The following SEMA3E variants were observed in gnomAD, a reference collection of about 807,000 sequenced individuals.
SEMA3E encodes the protein semaphorin-3E.
SEMA3E carries 49 observed loss-of-function variants against 93.6 expected under a neutral mutation model. The ratio of observed to expected loss-of-function variants is 0.52; its 90% CI spans 0.42 to 0.66. SEMA3E has a LOEUF of 0.66. SEMA3E is among the 30% of genes least tolerant of loss of function. The probability of loss-of-function intolerance (pLI) is 0.00; values close to 1 mark genes in which losing one functional copy is unlikely to be tolerated. For missense variants in SEMA3E, 906 were observed against 964.8 expected, an observed-to-expected ratio of 0.94 and a Z score of 0.81; for synonymous variants, 363 against 330.7, an observed-to-expected ratio of 1.10 and a Z score of -1.06.
chr7:83,525,504 G>A (rs1365084778), intron 1 of SEMA3E, among the ~76,000 whole-genome samples: 1 of 150,490 alleles, frequency 6.6e-6, no homozygotes. Context: ...GAACTTCTGG[G>A]GTGACCTCAG....
chr7:83,563,501 C>T (rs1792079514), intron 1 of SEMA3E, among the ~76,000 whole-genome samples: 2 of 151,842 alleles, frequency 1.3e-5, no homozygotes, highest in Admixed American at 1.3e-4. Flanking sequence ...GCAGCAGCAG[C>T]AGCAGCTAGG....
At chr7:83,527,491 G>A (rs1791185826) in intron 1 of SEMA3E, among the ~76,000 whole-genome samples, 1 of 152,090 alleles carries the variant, frequency 6.6e-6, no homozygotes, top group Admixed American at 6.6e-5. Context: ...ATGACAGTTA[G>A]GTCCCTGCTT....
chr7:83,624,168 A>C (rs561106985), intron 1 of SEMA3E, among the ~76,000 whole-genome samples: 2 of 152,318 alleles, frequency 1.3e-5, no homozygotes, highest in Admixed American at 1.3e-4. Flanking sequence ...TATTGTGAAC[A>C]GTGCTGCAAT....
intron 1 of SEMA3E, among the ~76,000 whole-genome samples, chr7:83,548,837 A>C (rs979825484): frequency 2.5e-4 from 38 of 152,118 alleles, no homozygotes; most frequent in African/African-American, 8.9e-4. Context: ...AGATGCTCCA[A>C]CTCTGACCTG....
At chr7:83,569,634 A>C (rs1186008313) in intron 1 of SEMA3E, among the ~76,000 whole-genome samples, 1 of 152,194 alleles carries the variant, frequency 6.6e-6, no homozygotes, top group African/African-American at 2.4e-5. Context: ...AAGAAATAAC[A>C]AAAAAGGTCA....
intron 1 of SEMA3E, among the ~76,000 whole-genome samples, chr7:83,498,253 A>G (rs1353009524): frequency 6.6e-6 from 1 of 152,150 alleles, no homozygotes; most frequent in East Asian, 1.9e-4. Context: ...TATATACTCC[A>G]GCTTTAGACT....
At chr7:83,484,542 G>A (rs1387164138) in intron 2 of SEMA3E, among the ~76,000 whole-genome samples, 1 of 152,100 alleles carries the variant, frequency 6.6e-6, no homozygotes, top group Non-Finnish European at 1.5e-5. Flanking sequence ...GTTCTGCAGT[G>A]TAACTAGTCA....
At chr7:83,437,531 TA>T (rs1426298289) in intron 4 of SEMA3E, among the ~76,000 whole-genome samples, 2 of 152,026 alleles carry the variant, frequency 1.3e-5, no homozygotes, top group African/African-American at 2.4e-5. Context: ...TTTCTTATTT[TA>T]AACATAAAAA....
intron 1 of SEMA3E, among the ~76,000 whole-genome samples, chr7:83,584,631 G>A (rs899889569): frequency 8.5e-5 from 13 of 152,144 alleles, no homozygotes; most frequent in African/African-American, 2.6e-4. Context: ...GCTGCTCTAC[G>A]CCTTCCCCAC....
chr7:83,640,771 T>C (rs185205611), intron 1 of SEMA3E, among the ~76,000 whole-genome samples: 2 of 152,108 alleles, frequency 1.3e-5, no homozygotes, highest in African/African-American at 4.8e-5. Flanking sequence ...AAATCAAAAG[T>C]ATTTATCTGG....
intron 4 of SEMA3E, among the ~76,000 whole-genome samples, chr7:83,440,801 CAA>C (rs55851135): frequency 0.42 from 52,404 of 123,992 alleles, 11,193 homozygotes; most frequent in East Asian, 0.66. Flanking sequence ...GACTCCGTCT[CAA>C]AAAAAAAAAA....
At chr7:83,491,236 T>C (rs1790375693) in intron 1 of SEMA3E, among the ~76,000 whole-genome samples, 1 of 152,102 alleles carries the variant, frequency 6.6e-6, no homozygotes, top group African/African-American at 2.4e-5. Flanking sequence ...ACACTTTTTG[T>C]TTCTGAGAAA....
chr7:83,405,331 T>C, intron 9 of SEMA3E, 119 bp downstream of exon 9: 1 of 732,060 alleles, frequency 1.4e-6, no homozygotes, highest in Non-Finnish European at 2.4e-6. Flanking sequence ...TTATAAAGTG[T>C]AGAAAATGAG....
In SEMA3E at chr7:83,565,827, T is replaced by G. The variant is rs187157132; in HGVS notation, c.116-75553A>C. 1.2e-3 allele frequency among the ~76,000 whole-genome samples: 183 copies of G among 152,284 alleles called. 1 individual carries two copies. Among genetic ancestry groups the G allele is most frequent in the African/African-American group, 4.2e-3 (175 of 41,562 alleles). ...TTCTTTGGAATTCTTGCATTTTATC[T>G]TATTGGCAAAGGAGTTCCTACTTTT... On this transcript the variant is annotated intron_variant, in intron 1 of 16. Transcript: ENST00000643230.
intron 1 of SEMA3E, among the ~76,000 whole-genome samples, chr7:83,516,509 T>G (rs1790931016): frequency 6.6e-6 from 1 of 152,210 alleles, no homozygotes; most frequent in Non-Finnish European, 1.5e-5. Flanking sequence ...AAATAATACT[T>G]AGCAAATCTT....
At chr7:83,407,349 CA>C in intron 6 of SEMA3E, 110 bp from the exon 7 acceptor site, 1 of 945,514 alleles carries the variant, frequency 1.1e-6, no homozygotes, top group South Asian at 1.5e-5. Flanking sequence ...TAACTTTCAC[CA>C]TTTCATAAAG....
At chr7:83,446,471 T>C (rs1322298589) in intron 4 of SEMA3E, among the ~76,000 whole-genome samples, 1 of 152,214 alleles carries the variant, frequency 6.6e-6, no homozygotes, top group East Asian at 1.9e-4. Context: ...TGAATACCAC[T>C]GCAGTGAGGT....
chr7:83,461,438 G>C (rs190201182), intron 4 of SEMA3E, among the ~76,000 whole-genome samples: 1 of 152,098 alleles, frequency 6.6e-6, no homozygotes, highest in East Asian at 1.9e-4. Context: ...CTCACACCTG[G>C]TCCGGCTTAC....
intron 4 of SEMA3E, among the ~76,000 whole-genome samples, chr7:83,435,008 C>T (rs1013285636): frequency 1.3e-5 from 2 of 152,022 alleles, no homozygotes; most frequent in African/African-American, 4.8e-5. Flanking sequence ...CCACCGCGCC[C>T]GGCCAACTGT....
Sources: allele counts gnomAD v4.1 joint callset (sites outside exome capture counted in the v4.1 genomes callset), GRCh38; gene constraint gnomAD v4.1.1; transcripts MANE v1.5; gene names NCBI Gene and HGNC (gene_info 2026-07-23, HGNC 2026-07-21).